Variants in TAFA5 observed in about 807,000 individuals in gnomAD.
TAFA5 encodes the protein chemokine-like protein TAFA-5.
A neutral mutation model predicts 15.3 loss-of-function variants in TAFA5; 6 were observed. The ratio of observed to expected loss-of-function variants is 0.39; its 90% CI spans 0.21 to 0.77. The LOEUF is 0.77. TAFA5 is among the 30% of genes least tolerant of loss of function. The probability of loss-of-function intolerance (pLI) is 0.41; values close to 1 mark genes in which losing one functional copy is unlikely to be tolerated. For synonymous variants in TAFA5, 103 were observed against 80.7 expected (o/e 1.28, Z -1.48); for missense variants, 161 against 193.1 (o/e 0.83, Z 0.98).
At chr22:48,705,585 T>A (rs1031053118) in intron 2 of TAFA5, among the ~76,000 whole-genome samples, 3 of 152,208 alleles carry the variant, frequency 2.0e-5, no homozygotes, top group African/African-American at 7.2e-5. Flanking sequence ...CTGCCTGTGG[T>A]CCAGCGGCAT....
chr22:48,702,501 C>T (rs11204506), intron 2 of TAFA5, among the ~76,000 whole-genome samples: 5,728 of 152,242 alleles, frequency 0.038, 292 homozygotes, highest in African/African-American at 0.12. Context: ...TCCTACCGGC[C>T]CGGGGACAGG....
chr22:48,556,603 A>G (rs971109762), intron 1 of TAFA5, among the ~76,000 whole-genome samples: 1 of 152,186 alleles, frequency 6.6e-6, no homozygotes, highest in East Asian at 1.9e-4. Context: ...GCAGCAGGGG[A>G]TTCGTGTCCC....
At chr22:48,680,313 G>A (rs1302479515) in intron 2 of TAFA5, among the ~76,000 whole-genome samples, 1 of 152,236 alleles carries the variant, frequency 6.6e-6, no homozygotes, top group East Asian at 1.9e-4. Flanking sequence ...AGCTTTTGCT[G>A]GGTTCTCAGA....
chr22:48,726,704 C>T (rs73177105), intron 3 of TAFA5, among the ~76,000 whole-genome samples: 2,703 of 141,110 alleles, frequency 0.019, 108 homozygotes, highest in Admixed American at 0.031. Context: ...GTAGTCTATA[C>T]GGGAGAATCA....
intron 1 of TAFA5, among the ~76,000 whole-genome samples, chr22:48,525,670 C>G (rs1340706127): frequency 6.6e-6 from 1 of 152,194 alleles, no homozygotes; most frequent in African/African-American, 2.4e-5. Context: ...ATTCAGGGGT[C>G]AGGCCGGGGC....
At chr22:48,570,233 G>A (rs1277255111) in intron 1 of TAFA5, among the ~76,000 whole-genome samples, 3 of 152,210 alleles carry the variant, frequency 2.0e-5, no homozygotes, top group Non-Finnish European at 4.4e-5. Context: ...TGAAAACATG[G>A]CTGAGGCTGC....
chr22:48,715,132 T>TCCCCA (rs1231099086), intron 3 of TAFA5, among the ~76,000 whole-genome samples: 2 of 152,212 alleles, frequency 1.3e-5, no homozygotes, highest in African/African-American at 4.8e-5. Context: ...ACATGAACTT[T>TCCCCA]GGGGGCCCCC....
chr22:48,576,361 TGGCGGCGGATGGAGGGCGCGAGCG>T, intron 1 of TAFA5: 1 of 1,191,352 alleles, frequency 8.4e-7, no homozygotes, highest in Non-Finnish European at 1.0e-6. Flanking sequence ...AGCGCGGCGT[TGGCGGCGGATGGAGGGCGCGAGCG>T]GGCGGCCGCG....
chr22:48,596,052 A>T (rs922078531), intron 1 of TAFA5, among the ~76,000 whole-genome samples: 2 of 152,264 alleles, frequency 1.3e-5, no homozygotes, highest in Non-Finnish European at 2.9e-5. Flanking sequence ...TTTGAAATGC[A>T]TCTTGAAAGC....
At chr22:48,504,516 A>T (rs2147097729) in intron 1 of TAFA5, among the ~76,000 whole-genome samples, 1 of 150,926 alleles carries the variant, frequency 6.6e-6, no homozygotes, top group East Asian at 1.9e-4. Flanking sequence ...TGAGGCCGTG[A>T]GTCCGGGCAC....
Position 48,552,136 on chromosome 22 carries a change from C to G in TAFA5, c.112+62432C>G, listed in dbSNP as rs1232812817. On this transcript the variant is annotated intron_variant, in intron 1 of 3. Transcript: ENST00000402357. This position sits in a 1 kb window ranked among gnomAD's most constrained non-coding sequence, Gnocchi z 4.1. Reference sequence around the variant, plus strand: ...GCACTGTGAGCCCTCCTTGTGTGGGCTCCCGGGGACCACCAGAGAGCCCCT... The same window carrying G: ...GCACTGTGAGCCCTCCTTGTGTGGGGTCCCGGGGACCACCAGAGAGCCCCT... Among the ~76,000 whole-genome samples, 1 of 152,188 alleles carries G rather than the reference C, an allele frequency of 6.6e-6. No homozygotes were observed. The highest frequency in any genetic ancestry group is 2.4e-5 in the African/African-American group (1 of 41,440).
In TAFA5 at chr22:48,620,451, G is replaced by C. The variant is rs181380993; in HGVS notation, c.113-26146G>C. Among the ~76,000 whole-genome samples the C allele has an allele frequency of 3.3e-5, 5 of 152,126 alleles. No individual in the cohort carries two copies. The East Asian group carries it at 9.7e-4, about 29-fold the overall frequency. ...TGATGCTCATAAAATTCAGGAGGCG[G>C]TTTTTAATCAGTTAGTTCTGCTACG... On this transcript the variant is annotated intron_variant, in intron 1 of 3. Coordinates refer to ENST00000402357, the MANE Select transcript of TAFA5 (RefSeq NM_001082967.3).
intron 1 of TAFA5, among the ~76,000 whole-genome samples, chr22:48,638,637 AC>A (rs1161016449): frequency 1.1e-5 from 1 of 88,980 alleles, no homozygotes; most frequent in Non-Finnish European, 2.1e-5. Context: ...ATAGGCAACA[AC>A]CCCCCCCACA....
At chr22:48,519,747 GTC>G (rs771519787) in intron 1 of TAFA5, among the ~76,000 whole-genome samples, 13 of 152,174 alleles carry the variant, frequency 8.5e-5, no homozygotes, top group African/African-American at 1.7e-4. Context: ...GCCCTTGGGA[GTC>G]TCTCTGCAGG....
chr22:48,719,678 G>A (rs373114825), intron 3 of TAFA5, among the ~76,000 whole-genome samples: 5 of 152,180 alleles, frequency 3.3e-5, no homozygotes, highest in African/African-American at 7.2e-5. Flanking sequence ...CCGGGGACCC[G>A]CACCTAACTA....
intron 3 of TAFA5, among the ~76,000 whole-genome samples, chr22:48,735,633 G>T (rs1288880428): frequency 6.6e-6 from 1 of 152,218 alleles, no homozygotes; most frequent in Non-Finnish European, 1.5e-5. Context: ...TCTGTGGAGA[G>T]AATCTGAAAT....
intron 1 of TAFA5, among the ~76,000 whole-genome samples, chr22:48,621,133 TCCACCCAC>T (rs1297540621): frequency 2.8e-4 from 4 of 14,044 alleles, no homozygotes; most frequent in African/African-American, 8.0e-4. Flanking sequence ...TATCCACCCA[TCCACCCAC>T]CCACCCATCC....
At chr22:48,739,534 G>A (rs554043545) in intron 3 of TAFA5, among the ~76,000 whole-genome samples, 7 of 152,274 alleles carry the variant, frequency 4.6e-5, no homozygotes, top group Admixed American at 2.6e-4. Context: ...CCTTCAGCCC[G>A]AGGACACCTG....
At chr22:48,610,268 G>T (rs754747237) in intron 1 of TAFA5, among the ~76,000 whole-genome samples, 1 of 152,158 alleles carries the variant, frequency 6.6e-6, no homozygotes, top group East Asian at 1.9e-4. Context: ...GCATCCCAGC[G>T]TTTGGCACAG....
Sources: gnomAD v4.1 joint callset for allele counts (sites outside exome capture counted in the v4.1 genomes callset) on GRCh38, gnomAD v4.1.1 for gene constraint, Gnocchi (gnomAD v3.1) non-coding constraint, MANE v1.5 for transcripts, NCBI Gene and HGNC (gene_info 2026-07-23, HGNC 2026-07-21) for gene names.